The following RIMS4 variants were observed in gnomAD, a reference collection of about 807,000 sequenced individuals.
RIMS4 encodes regulating synaptic membrane exocytosis protein 4.
A neutral mutation model predicts 29.0 loss-of-function variants in RIMS4; 9 were observed. That is an observed-to-expected ratio of 0.31 (90% CI 0.19 to 0.54). The LOEUF (loss-of-function observed/expected upper bound fraction) is 0.54. Ranked by LOEUF, RIMS4 falls within the 20% of genes least tolerant of loss-of-function variation. The probability of loss-of-function intolerance (pLI) is 0.94; values close to 1 mark genes in which losing one functional copy is unlikely to be tolerated. For missense variants in RIMS4, 193 were observed against 365.7 expected, an observed-to-expected ratio of 0.53 and a Z score of 3.85; for synonymous variants, 130 against 152.9, an observed-to-expected ratio of 0.85 and a Z score of 1.10.
chr20:44,776,653 G>A (rs752674786), intron 1 of RIMS4, among the ~76,000 whole-genome samples: 15 of 152,168 alleles, frequency 9.9e-5, no homozygotes, highest in African/African-American at 2.9e-4. Flanking sequence ...ATGTTAACAA[G>A]CAAGCAACGT....
rs2145454008 is a variant in RIMS4, at chr20:44,771,280, C to T, written c.231G>A (p.Glu77=). The T allele has an allele frequency of 6.2e-7, 1 of 1,606,948 alleles. No individual in the cohort carries two copies. Among genetic ancestry groups the T allele is most frequent in the South Asian group, 1.1e-5 (1 of 90,838 alleles). Residue 77 remains glutamate, a synonymous_variant, in exon 2 of 6, where the codon GAG becomes GAA. Transcript: ENST00000372851. ...IEDSMNSYGS[E]GNLNYGGVCL... ...GCTGGTGGCCCCACACTTACTTGCC[C>T]TCTGAGCCATAGCTGTTCATGCTGT... is the stretch of plus-strand genomic sequence containing the variant.
At chr20:44,799,888 T>C (rs1459063238) in intron 1 of RIMS4, among the ~76,000 whole-genome samples, 1 of 152,220 alleles carries the variant, frequency 6.6e-6, no homozygotes, top group Non-Finnish European at 1.5e-5. Flanking sequence ...ACTAAAATAA[T>C]GACAGCTAAC....
Position 44,755,942 on chromosome 20 carries a change from A to G in RIMS4, c.*192T>C. 1 of 556,926 alleles carries G rather than the reference A, an allele frequency of 1.8e-6. No homozygotes were observed. Among genetic ancestry groups the G allele is most frequent in the Non-Finnish European group, 3.2e-6 (1 of 313,796 alleles). The allele number at this position is 556,926 out of a possible 1,614,324, so 34.5% of individuals were successfully genotyped here. On this transcript the variant is annotated 3_prime_UTR_variant, in exon 6 of 6. Transcript: ENST00000372851. ...AAAGTGTAGCCAATCCCGTTGGGAG[A>G]GGGGAGGTCTCGGGGGTAGGAGGCA...
chr20:44,764,885 G>A lies in RIMS4; in HGVS notation c.236+6390C>T, dbSNP rs563548873. On this transcript the variant is annotated intron_variant, in intron 2 of 5. Coordinates refer to ENST00000372851, the MANE Select transcript of RIMS4 (RefSeq NM_182970.4). ...TACCATATCATACAATCCTGACCCC[G>A]ACTTCTCAACCATTCAAGGTATTTC... is the stretch of plus-strand genomic sequence containing the variant. Among the ~76,000 whole-genome samples, 359 of 152,242 alleles carry A rather than the reference G, an allele frequency of 2.4e-3. 2 individuals are homozygous for A. The highest frequency in any genetic ancestry group is 5.5e-3 in the African/African-American group (230 of 41,528).
chr20:44,765,250 T>C (rs566491875), intron 2 of RIMS4, among the ~76,000 whole-genome samples: 201 of 152,246 alleles, frequency 1.3e-3, no homozygotes, highest in South Asian at 6.4e-3. Context: ...TGAGGGGACC[T>C]CAGCCTTGCC....
chr20:44,802,686 G>T (rs1468928736), intron 1 of RIMS4, among the ~76,000 whole-genome samples: 2 of 152,192 alleles, frequency 1.3e-5, no homozygotes, highest in African/African-American at 4.8e-5. Context: ...AGGGATTCAG[G>T]GGGCATGAGT....
intron 2 of RIMS4, among the ~76,000 whole-genome samples, chr20:44,766,144 T>C (rs2066112758): frequency 6.6e-6 from 1 of 152,104 alleles, no homozygotes; most frequent in African/African-American, 2.4e-5. Flanking sequence ...GCCCTACCCG[T>C]TCCATTCCAC....
chr20:44,772,852 C>A (rs1267224593), intron 1 of RIMS4, among the ~76,000 whole-genome samples: 1 of 152,136 alleles, frequency 6.6e-6, no homozygotes, highest in East Asian at 1.9e-4. Flanking sequence ...AGGAGCAGGG[C>A]AAGCCAGGAC....
chr20:44,765,621 G>A (rs894822187), intron 2 of RIMS4, among the ~76,000 whole-genome samples: 2 of 152,152 alleles, frequency 1.3e-5, no homozygotes, highest in African/African-American at 4.8e-5. Context: ...GGAAGAAAAG[G>A]GGGTTCTGAC....
chr20:44,789,880 T>C (rs893764747), intron 1 of RIMS4, among the ~76,000 whole-genome samples: 1 of 152,210 alleles, frequency 6.6e-6, no homozygotes, highest in Non-Finnish European at 1.5e-5. Context: ...TGAAGATTAA[T>C]GGGCCCAGGG....
intron 2 of RIMS4, among the ~76,000 whole-genome samples, chr20:44,770,873 T>C (rs529980041): frequency 6.6e-6 from 1 of 152,340 alleles, no homozygotes; most frequent in Non-Finnish European, 1.5e-5. Flanking sequence ...GCAGCACTAA[T>C]ATACAGCACT....
chr20:44,804,053 G>T (rs1362497077), intron 1 of RIMS4, among the ~76,000 whole-genome samples: 1 of 152,136 alleles, frequency 6.6e-6, no homozygotes, highest in Non-Finnish European at 1.5e-5. Context: ...GCAGAAGATG[G>T]CCTAGAGTCA....
chr20:44,795,968 T>C (rs1349928320), intron 1 of RIMS4, among the ~76,000 whole-genome samples: 3 of 152,144 alleles, frequency 2.0e-5, no homozygotes, highest in Non-Finnish European at 2.9e-5. Flanking sequence ...GAAGCAATTA[T>C]AGTTATTTCC....
Position 44,756,049 on chromosome 20 carries a change from G to T in RIMS4, c.*85C>A. On this transcript the variant is annotated 3_prime_UTR_variant, in exon 6 of 6. Transcript: ENST00000372851. This position sits in a 1 kb window ranked among gnomAD's most constrained non-coding sequence, Gnocchi z 5.9. ...CTGTGGGGGAGAGCCCCGTCCTCCT[G>T]TTCAATGTGCCCCTGGGCCTGGGGT... 9.2e-7 allele frequency: 1 copy of T among 1,092,216 alleles called. No individual in the cohort carries two copies. Among genetic ancestry groups the T allele is most frequent in the Non-Finnish European group, 1.3e-6 (1 of 742,648 alleles). 67.7% of individuals were successfully genotyped at this position (1,092,216 alleles called of 1,614,324 possible).
intron 1 of RIMS4, among the ~76,000 whole-genome samples, chr20:44,779,333 C>T (rs117610255): frequency 3.4e-4 from 52 of 152,308 alleles, no homozygotes; most frequent in Non-Finnish European, 5.7e-4. Context: ...CAAAGTTCTA[C>T]GGAACCAGCA....
chr20:44,808,971 C>T (rs2066310873), intron 1 of RIMS4, among the ~76,000 whole-genome samples: 1 of 152,176 alleles, frequency 6.6e-6, no homozygotes, highest in Non-Finnish European at 1.5e-5. Context: ...GCCCATGAAA[C>T]CATTTTGCTC....
At chr20:44,766,129 G>A (rs1397725612) in intron 2 of RIMS4, among the ~76,000 whole-genome samples, 1 of 152,106 alleles carries the variant, frequency 6.6e-6, no homozygotes, top group African/African-American at 2.4e-5. Flanking sequence ...CCAGAGGAAC[G>A]GTAGGCCCTA....
In RIMS4 at chr20:44,754,571, A is replaced by G. The variant is rs1248026663; in HGVS notation, c.*1563T>C. The G allele has an allele frequency of 2.6e-5, 4 of 152,930 alleles. No individual in the cohort carries two copies. Among genetic ancestry groups the G allele is most frequent in the African/African-American group, 9.6e-5 (4 of 41,474 alleles). The allele number at this position is 152,930 out of a possible 1,614,324, so 9.5% of individuals were successfully genotyped here. A position where few individuals can be genotyped will look rare whatever the true frequency, so the allele number is the denominator to read the frequency against. On this transcript the variant is annotated 3_prime_UTR_variant, in exon 6 of 6. Transcript: ENST00000372851. ...GAATAATAAATCAGAACAGCCGAGT[A>G]TAACAGGCAGCTCCAGCTATAACCC...
Position 44,756,031 on chromosome 20 carries a change from G to T in RIMS4, c.*103C>A. On this transcript the variant is annotated 3_prime_UTR_variant, in exon 6 of 6. Transcript: ENST00000372851. This position sits in a 1 kb window ranked among gnomAD's most constrained non-coding sequence, Gnocchi z 5.9. The stretch of plus-strand genomic sequence containing the variant: ...CCCCGTTCTGCTTCCCCACTGTGGG[G>T]GAGAGCCCCGTCCTCCTGTTCAATG... 1 of 928,512 alleles carries T rather than the reference G, an allele frequency of 1.1e-6. No homozygotes were observed. Among genetic ancestry groups the T allele is most frequent in the Non-Finnish European group, 1.7e-6 (1 of 600,064 alleles). 57.5% of individuals were successfully genotyped at this position (928,512 alleles called of 1,614,324 possible).
Sources: gnomAD v4.1 joint callset for allele counts (sites outside exome capture counted in the v4.1 genomes callset) on GRCh38, gnomAD v4.1.1 for gene constraint, Gnocchi (gnomAD v3.1) non-coding constraint, MANE v1.5 for transcripts, NCBI Gene and HGNC (gene_info 2026-07-23, HGNC 2026-07-21) for gene names.